CLEC12A: variants seen among roughly 807,000 people sequenced by gnomAD.
CLEC12A encodes C-type lectin protein CLL-1.
In CLEC12A, 22 loss-of-function variants were observed where a neutral mutation model predicts 26.5. The ratio of observed to expected loss-of-function variants is 0.83; its 90% CI spans 0.59 to 1.19. CLEC12A has a LOEUF of 1.19. Ranked by LOEUF, CLEC12A falls within the 50% of genes most tolerant of loss-of-function variation. The pLI is 0.00. For missense variants in CLEC12A, 353 were observed against 315.6 expected, an observed-to-expected ratio of 1.12 and a Z score of -0.90; for synonymous variants, 119 against 101.9, an observed-to-expected ratio of 1.17 and a Z score of -1.01.
chr12:9,962,900 G>A (rs111706575), intron 1 of CLEC12A, among the ~76,000 whole-genome samples: 4,404 of 152,200 alleles, frequency 0.029, 78 homozygotes, highest in Middle Eastern at 0.037. Context: ...AAAGTGTTGG[G>A]ACGGCAAAAA....
chr12:9,988,352 A>G (rs1189346410), downstream of CLEC12A, among the ~76,000 whole-genome samples: 2 of 152,212 alleles, frequency 1.3e-5, no homozygotes, highest in African/African-American at 4.8e-5. Flanking sequence ...TCAAAAGCCA[A>G]AATTGACAAA....
At chr12:9,995,197 C>A (rs935242723) in exon 5 of CLEC12A, 6 of 1,612,890 alleles carry the variant, frequency 3.7e-6, no homozygotes, top group African/African-American at 1.3e-5. Flanking sequence ...CGACTTCTGG[C>A]GAGATAATCC....
rs745586944 is a variant in CLEC12A at position 9,995,157 on chromosome 12, C to T, written n.1144C>T. 50 of 1,612,616 alleles carry T rather than the reference C, an allele frequency of 3.1e-5. No individual in the cohort carries two copies. In the Middle Eastern group the frequency reaches 6.6e-4, roughly 21 times the overall value. ...TGACTTACATATTTTCTGAGATAACCGAGCCATCCTCCCACTTCCAGACCT... is the reference window on the plus strand; with the variant it reads ...TGACTTACATATTTTCTGAGATAACTGAGCCATCCTCCCACTTCCAGACCT... On this transcript the variant is annotated non_coding_transcript_exon_variant, in exon 5 of 5. Transcript: ENST00000449959.
At chr12:9,955,907 C>T (rs999275477) in intron 1 of CLEC12A, among the ~76,000 whole-genome samples, 6 of 152,022 alleles carry the variant, frequency 3.9e-5, no homozygotes, top group African/African-American at 1.5e-4. Flanking sequence ...TGGAGGAAAA[C>T]GTTGCTTCTC....
intron 1 of CLEC12A, among the ~76,000 whole-genome samples, chr12:9,971,893 CA>C (rs1313411005): frequency 1.3e-5 from 2 of 152,034 alleles, no homozygotes; most frequent in Non-Finnish European, 2.9e-5. Flanking sequence ...ATTGAATAAT[CA>C]ATCTTTTACA....
At position 9,984,970 on chromosome 12, in the gene CLEC12A, T is replaced by C. The variant is rs1054602759; in HGVS notation, c.742T>C (p.Cys248Arg). 1.9e-6 allele frequency: 3 copies of C among 1,556,540 alleles called. No homozygotes were observed. Among genetic ancestry groups the C allele is most frequent in the Non-Finnish European group, 2.6e-6 (3 of 1,148,616 alleles). Residue 248 changes from cysteine to arginine, a missense_variant, in exon 6 of 6, where the codon TGT (cysteine) becomes CGT (arginine). Coordinates refer to ENST00000304361, the MANE Select transcript of CLEC12A (RefSeq NM_138337.6). ...YHCTYKKRMI[C>R]EKMANPVQLG... ...CTGCACTTATAAAAAAAGAATGATA[T>C]GTGAGAAGATGGCCAATCCAGTGCA...
rs1299961375 is a variant in CLEC12A, at chr12:9,985,066, G to A, written c.*40G>A. Reference sequence around the variant, plus strand: ...ACATTTAAGGAGTGTAGGGGGTGGGGGTTCTAGGCTATAGGTAAATTTAAA... The same window carrying A: ...ACATTTAAGGAGTGTAGGGGGTGGGAGTTCTAGGCTATAGGTAAATTTAAA... On this transcript the variant is annotated 3_prime_UTR_variant, in exon 6 of 6. Transcript: ENST00000304361. 3.7e-6 allele frequency: 5 copies of A among 1,367,656 alleles called. No homozygotes were observed. The highest frequency in any genetic ancestry group is 4.7e-6 in the Non-Finnish European group (5 of 1,061,074). The allele number at this position is 1,367,656 out of a possible 1,614,324, so 84.7% of individuals were successfully genotyped here.
intron 5 of CLEC12A, among the ~76,000 whole-genome samples, chr12:9,982,486 T>C (rs376272362): frequency 6.6e-5 from 10 of 152,098 alleles, no homozygotes; most frequent in African/African-American, 2.4e-4. Context: ...ATCATTAAAG[T>C]TACTTAACCA....
upstream of CLEC12A, chr12:9,951,270 A>G: frequency 1.4e-6 from 1 of 702,060 alleles, no homozygotes; most frequent in South Asian, 1.5e-5. Flanking sequence ...TAGTCTTTCT[A>G]TTTAGCATTG....
intron 1 of CLEC12A, among the ~76,000 whole-genome samples, chr12:9,962,902 C>T (rs564455503): frequency 1.3e-5 from 2 of 152,050 alleles, no homozygotes; most frequent in African/African-American, 4.8e-5. Context: ...AGTGTTGGGA[C>T]GGCAAAAATT....
Position 9,993,235 on chromosome 12 carries a change from T to C in CLEC12A, n.1005-1783T>C. 4 of 1,612,810 alleles carry C rather than the reference T, an allele frequency of 2.5e-6. No homozygotes were observed. The East Asian group carries it at 6.7e-5, about 27-fold the overall frequency. On this transcript the variant is annotated intron_variant and non_coding_transcript_variant, in intron 4 of 4. Coordinates refer to the CLEC12A transcript ENST00000449959. ...CAGAAGGTAGGGTGCATTTTCCCAT[T>C]ATGAAAATAAGCACAATTCATATTT...
At chr12:9,977,005 A>C (rs1864365002) in intron 1 of CLEC12A, among the ~76,000 whole-genome samples, 2 of 152,050 alleles carry the variant, frequency 1.3e-5, no homozygotes, top group Admixed American at 6.5e-5. Context: ...CTGTGAATCC[A>C]TTAAACCTCT....
At chr12:9,958,275 C>T (rs1863774728) in intron 1 of CLEC12A, among the ~76,000 whole-genome samples, 1 of 152,186 alleles carries the variant, frequency 6.6e-6, no homozygotes, top group South Asian at 2.1e-4. Context: ...GAACCCACGG[C>T]TCACAATTGA....
chr12:9,991,580 A>T (rs1324118810), intron 4 of CLEC12A: 4 of 152,148 alleles, frequency 2.6e-5, no homozygotes, highest in African/African-American at 9.7e-5. Flanking sequence ...CATTTGAAGT[A>T]ACAAGTAAAA....
chr12:9,965,249 C>T (rs1863910186), intron 1 of CLEC12A, among the ~76,000 whole-genome samples: 1 of 152,094 alleles, frequency 6.6e-6, no homozygotes, highest in Admixed American at 6.5e-5. Context: ...TGTAAGAATT[C>T]TGACTGCCCT....
At chr12:9,980,448 A>AAAAG in intron 3 of CLEC12A, 134 bp from the exon 4 acceptor site, 8 of 838,018 alleles carry the variant, frequency 9.5e-6, no homozygotes, top group Non-Finnish European at 1.4e-5. Context: ...AAAAAAAAAA[A>AAAAG]GGGGGAAAGA....
chr12:9,980,252 T>C (rs189363912), intron 3 of CLEC12A, among the ~76,000 whole-genome samples: 2 of 151,946 alleles, frequency 1.3e-5, no homozygotes, highest in Admixed American at 6.6e-5. Context: ...TGGTGGTATA[T>C]AAGGAACTAG....
intron 4 of CLEC12A, among the ~76,000 whole-genome samples, chr12:9,993,945 A>C (rs977761383): frequency 1.8e-4 from 27 of 152,160 alleles, no homozygotes; most frequent in Non-Finnish European, 3.4e-4. Flanking sequence ...CAAGAAAGCT[A>C]ATGTCTTTCT....
chr12:9,988,672 C>T (rs1054035522), downstream of CLEC12A, among the ~76,000 whole-genome samples: 19 of 152,194 alleles, frequency 1.2e-4, no homozygotes, highest in Admixed American at 6.5e-4. Context: ...AGATACCATC[C>T]CACACCAGTT....
Sources: allele counts gnomAD v4.1 joint callset (sites outside exome capture counted in the v4.1 genomes callset), GRCh38; gene constraint gnomAD v4.1.1; transcripts MANE v1.5; gene names NCBI Gene and HGNC (gene_info 2026-07-23, HGNC 2026-07-21).